Variants in SLC39A11 observed in about 807,000 individuals in gnomAD.
SLC39A11 encodes the protein zinc transporter ZIP11.
SLC39A11 carries 33 observed loss-of-function variants against 36.1 expected under a neutral mutation model. The observed-to-expected ratio is 0.91, with a 90% CI of 0.69 to 1.22. The LOEUF is 1.22. Among genes scored for constraint, SLC39A11 ranks in the 50% most tolerant of loss-of-function variants. SLC39A11 has a pLI of 0.00. For synonymous variants in SLC39A11, 166 were observed against 170.3 expected, an observed-to-expected ratio of 0.97 and a Z score of 0.20; for missense variants, 432 against 430.3, an observed-to-expected ratio of 1.00 and a Z score of -0.03.
intron 6 of SLC39A11, among the ~76,000 whole-genome samples, chr17:72,833,443 T>C (rs1465527224): frequency 1.3e-5 from 2 of 152,214 alleles, no homozygotes; most frequent in African/African-American, 4.8e-5. Flanking sequence ...ACACGATCAA[T>C]GTCTGTCATT....
At chr17:72,778,439 G>A (rs1253139091) in intron 6 of SLC39A11, among the ~76,000 whole-genome samples, 1 of 152,228 alleles carries the variant, frequency 6.6e-6, no homozygotes, top group Admixed American at 6.5e-5. Context: ...CTACAGTGAA[G>A]GGTTCACCCT....
chr17:72,716,124 C>A (rs2073351465), intron 7 of SLC39A11, among the ~76,000 whole-genome samples: 1 of 139,536 alleles, frequency 7.2e-6, no homozygotes, highest in African/African-American at 2.8e-5. Flanking sequence ...CCAAGGGAGC[C>A]CCCCTGCATT....
chr17:72,899,978 G>A (rs951090466), intron 5 of SLC39A11, among the ~76,000 whole-genome samples: 3 of 76,782 alleles, frequency 3.9e-5, no homozygotes, highest in Non-Finnish European at 6.8e-5. Context: ...GAGAGAGAGA[G>A]AGAGAAAGAA....
At chr17:72,787,210 A>G (rs2076546722) in intron 6 of SLC39A11, among the ~76,000 whole-genome samples, 1 of 148,344 alleles carries the variant, frequency 6.7e-6, no homozygotes, top group African/African-American at 2.5e-5. Context: ...ATAGTATGCC[A>G]CCAGTCTTTA....
intron 6 of SLC39A11, among the ~76,000 whole-genome samples, chr17:72,741,956 C>T (rs1331739129): frequency 6.6e-6 from 1 of 152,142 alleles, no homozygotes; most frequent in Non-Finnish European, 1.5e-5. Flanking sequence ...AATCCCAGCA[C>T]TTTGGGAGGC....
chr17:73,060,195 A>G (rs2059796195), intron 3 of SLC39A11, among the ~76,000 whole-genome samples: 1 of 146,958 alleles, frequency 6.8e-6, no homozygotes, highest in South Asian at 2.2e-4. Flanking sequence ...GGGCAACAAG[A>G]ATGAAACTCC....
chr17:72,750,009 T>A (rs540303473), intron 6 of SLC39A11, among the ~76,000 whole-genome samples: 1 of 152,210 alleles, frequency 6.6e-6, no homozygotes, highest in East Asian at 1.9e-4. Flanking sequence ...ACCTGGCTCA[T>A]GAAAAGATCA....
At chr17:72,861,689 A>ATAT (rs1410780416) in intron 5 of SLC39A11, among the ~76,000 whole-genome samples, 16 of 96,636 alleles carry the variant, frequency 1.7e-4, no homozygotes, top group African/African-American at 4.5e-4. Context: ...ATATATATAT[A>ATAT]AAATATATAT....
chr17:72,818,000 A>G (rs1470668580), intron 6 of SLC39A11: 1 of 152,162 alleles, frequency 6.6e-6, no homozygotes, highest in African/African-American at 2.4e-5. Context: ...TTATAAAACT[A>G]TCAGATATCA....
rs189468228 is a variant in SLC39A11 at position 72,957,292 on chromosome 17, C to T, written c.307-9417G>A. Among the ~76,000 whole-genome samples the T allele has an allele frequency of 2.9e-3, 449 of 152,266 alleles. 4 individuals carry two copies. The highest frequency in any genetic ancestry group is 0.026 in the South Asian group (126 of 4,822). ...TCACATTGTCAGGTACGGATGCTGA[C>T]GGGGAAATTTGTGGCTATTTTGCCA... On this transcript the variant is annotated intron_variant, in intron 4 of 9. Transcript: ENST00000255559.
At chr17:72,779,081 C>T (rs974681979) in intron 6 of SLC39A11, among the ~76,000 whole-genome samples, 2 of 152,148 alleles carry the variant, frequency 1.3e-5, no homozygotes, top group African/African-American at 4.8e-5. Flanking sequence ...GGATGAGGCT[C>T]CAGCACAAGA....
At chr17:72,907,819 C>A (rs1210655875) in intron 5 of SLC39A11, among the ~76,000 whole-genome samples, 1 of 152,228 alleles carries the variant, frequency 6.6e-6, no homozygotes, top group Non-Finnish European at 1.5e-5. Flanking sequence ...GGGAAACAGT[C>A]TGCACCCATA....
chr17:73,033,155 C>T (rs1381507330), intron 3 of SLC39A11, among the ~76,000 whole-genome samples: 1 of 152,138 alleles, frequency 6.6e-6, no homozygotes, highest in Non-Finnish European at 1.5e-5. Context: ...AATCTAATGT[C>T]GCCACTGGTC....
At chr17:73,036,701 C>T (rs779227911) in intron 3 of SLC39A11, among the ~76,000 whole-genome samples, 10 of 152,126 alleles carry the variant, frequency 6.6e-5, no homozygotes, top group Non-Finnish European at 1.3e-4. Context: ...CCTGCCTCGG[C>T]CTCCCAAAGT....
chr17:73,025,601 AAG>A (rs1156708595), intron 4 of SLC39A11, among the ~76,000 whole-genome samples: 1 of 152,204 alleles, frequency 6.6e-6, no homozygotes, highest in Non-Finnish European at 1.5e-5. Flanking sequence ...AAATAACACA[AAG>A]AGAATGCACA....
chr17:72,788,074 A>C (rs1364858179), intron 6 of SLC39A11, among the ~76,000 whole-genome samples: 1 of 152,242 alleles, frequency 6.6e-6, no homozygotes, highest in African/African-American at 2.4e-5. Context: ...TCAAGTAGGC[A>C]CAGTTCAAGT....
intron 4 of SLC39A11, among the ~76,000 whole-genome samples, chr17:73,018,408 C>T (rs1025356691): frequency 9.2e-5 from 14 of 151,930 alleles, no homozygotes; most frequent in Admixed American, 8.5e-4. Context: ...ATTATCCACA[C>T]GTGATGGCAG....
Position 73,088,558 on chromosome 17 carries a change from G to A in SLC39A11, c.108+99C>T, listed in dbSNP as rs2060817325. The A allele has an allele frequency of 6.9e-6, 6 of 868,740 alleles. No homozygotes were observed. The South Asian group carries it at 8.8e-5, about 13-fold the overall frequency. The allele number at this position is 868,740 out of a possible 1,614,324, so 53.8% of individuals were successfully genotyped here. On this transcript the variant is annotated intron_variant, in intron 2 of 9. Transcript: ENST00000255559. ...CACAATGCCTGGGGGTGTGGCCAGG[G>A]GCACTGAAAAGTCTACAAACCTGCT...
Position 73,084,723 on chromosome 17 carries a change from G to C in SLC39A11, c.147+85C>G, listed in dbSNP as rs1195000000. On this transcript the variant is annotated intron_variant, in intron 3 of 9. Coordinates refer to ENST00000255559, the MANE Select transcript of SLC39A11 (RefSeq NM_139177.4). ...CACAGAGATGCATCTAGGTCGCAAG[G>C]GGAGGGACTGAAGACAGCCCTTGGC... The C allele has an allele frequency of 2.2e-6, 3 of 1,352,030 alleles. No individual in the cohort carries two copies. The Admixed American group carries it at 5.0e-5, about 23-fold the overall frequency. The allele number at this position is 1,352,030 out of a possible 1,614,324, so 83.8% of individuals were successfully genotyped here. A position where few individuals can be genotyped will look rare whatever the true frequency, so the allele number is the denominator to read the frequency against.
Sources: gnomAD v4.1 joint callset for allele counts (sites outside exome capture counted in the v4.1 genomes callset) on GRCh38, gnomAD v4.1.1 for gene constraint, MANE v1.5 for transcripts, NCBI Gene and HGNC (gene_info 2026-07-23, HGNC 2026-07-21) for gene names.